The following ATN1 variants were observed in gnomAD, a reference collection of about 807,000 sequenced individuals.
ATN1 encodes the protein atrophin-1.
A neutral mutation model predicts 85.8 loss-of-function variants in ATN1; 19 were observed. That is an observed-to-expected ratio of 0.22 (90% CI 0.15 to 0.32). ATN1 has a LOEUF of 0.32. Ranked by LOEUF, ATN1 falls within the 10% of genes least tolerant of loss-of-function variation. The pLI, the probability that ATN1 is intolerant of heterozygous loss-of-function variation, is 1.00. For missense variants in ATN1, 1,453 were observed against 1,564.5 expected (o/e 0.93, Z 1.20); for synonymous variants, 674 against 657.0 (o/e 1.03, Z -0.39).
Position 6,936,485 on chromosome 12 carries a change from C to T in ATN1, c.1218C>T (p.Pro406=). The change falls in exon 5 of 10, where the codon CCC becomes CCT. Residue 406 remains proline, a synonymous_variant. Transcript: ENST00000396684. ...ASPFPASQAL[P]SYPHSFPPPT... ...CCTTCCCAGCTTCCCAGGCATTGCC[C>T]AGCTACCCCCACTCTTTCCCTCCCC... 1 of 1,601,306 alleles carries T rather than the reference C, an allele frequency of 6.2e-7. No homozygotes were observed. Among genetic ancestry groups the T allele is most frequent in the South Asian group, 1.1e-5 (1 of 90,764 alleles).
In ATN1 at chr12:6,937,690, G is replaced by T; in HGVS notation, c.2294+129G>T. ...TTAGAAAAGCACGCCCCTCTCCTCC[G>T]TCCAGGCCTAGTGGCCAGTGAGGCC... On this transcript the variant is annotated intron_variant, in intron 5 of 9. Transcript: ENST00000396684. The surrounding 1 kb of genome is among the most constrained non-coding windows in gnomAD (Gnocchi z 6.0). 4 of 1,434,746 alleles carry T rather than the reference G, an allele frequency of 2.8e-6. No homozygotes were observed. The highest frequency in any genetic ancestry group is 3.7e-6 in the Non-Finnish European group (4 of 1,094,100). 88.9% of individuals were successfully genotyped at this position (1,434,746 alleles called of 1,614,324 possible).
At position 6,941,638 on chromosome 12, in the gene ATN1, C is replaced by T; in HGVS notation, c.3539+84C>T. 6.3e-7 allele frequency: 1 copy of T among 1,596,672 alleles called. No individual in the cohort carries two copies. Among genetic ancestry groups the T allele is most frequent in the Non-Finnish European group, 8.6e-7 (1 of 1,165,054 alleles). ...GGGCATGGTACGGCTGGGCACCGTG[C>T]TCCTGGGGGAGGGAACCCCTCCTCT... On this transcript the variant is annotated intron_variant, in intron 9 of 9. Coordinates refer to ENST00000396684, the MANE Select transcript of ATN1 (RefSeq NM_001940.4). The surrounding 1 kb of genome is among the most constrained non-coding windows in gnomAD (Gnocchi z 5.9).
Position 6,936,242 on chromosome 12 carries a change from A to G in ATN1, c.975A>G (p.Leu325=), listed in dbSNP as rs782015159. 11 of 1,607,084 alleles carry G rather than the reference A, an allele frequency of 6.8e-6. No individual in the cohort carries two copies. The highest frequency in any genetic ancestry group is 9.4e-6 in the Non-Finnish European group (11 of 1,175,954). The part of the protein sequence containing the change: ...ASPPGLGAQP[L]PGHLPSPHAM... Reference sequence around the variant, plus strand: ...CCCCTGGCCTGGGGGCCCAACCACTACCTGGTCATCTGCCCTCTCCCCACG... The same window carrying G: ...CCCCTGGCCTGGGGGCCCAACCACTGCCTGGTCATCTGCCCTCTCCCCACG... Residue 325 remains leucine, a synonymous_variant, in exon 5 of 10, where the codon CTA becomes CTG. Coordinates refer to ENST00000396684, the MANE Select transcript of ATN1 (RefSeq NM_001940.4).
Position 6,941,346 on chromosome 12 carries a change from A to G in ATN1, c.3359-28A>G, listed in dbSNP as rs782375535. On this transcript the variant is annotated intron_variant, in intron 8 of 9. Transcript: ENST00000396684. This position sits in a 1 kb window ranked among gnomAD's most constrained non-coding sequence, Gnocchi z 5.9. ...AGCAGGTACTTGTTATCCGTTGGTC[A>G]TATGCCCCTTGCCCTTCCTGCTCAC... 7 of 1,569,502 alleles carry G rather than the reference A, an allele frequency of 4.5e-6. No individual in the cohort carries two copies. The South Asian group carries it at 8.2e-5, about 18-fold the overall frequency.
Position 6,936,358 on chromosome 12 carries a change from C to T in ATN1, c.1091C>T (p.Ser364Phe), listed in dbSNP as rs372352874. Residue 364 changes from serine (S) to phenylalanine (F), a missense_variant, in exon 5 of 10, where the codon TCT becomes TTT. This residue lies in a region of ATN1 where 990 missense variants were observed against 914.8 expected (regional missense o/e 1.08). Transcript: ENST00000396684. Reference sequence around the variant, plus strand: ...CCCCACTCTCTGCCTCCTGCTTCCTCTTCTGCTCCAGCGCCCCCCATGAGG... The same window carrying T: ...CCCCACTCTCTGCCTCCTGCTTCCTTTTCTGCTCCAGCGCCCCCCATGAGG... The part of the protein sequence containing the change: ...PSPHSLPPAS[S>F]SAPAPPMRFP... The T allele has an allele frequency of 6.8e-6, 11 of 1,613,840 alleles. No homozygotes were observed. Among genetic ancestry groups the T allele is most frequent in the Non-Finnish European group, 9.3e-6 (11 of 1,179,958 alleles).
In ATN1 at chr12:6,938,912, A is replaced by G; in HGVS notation, c.2949A>G (p.Pro983=). The change falls in exon 7 of 10, where the codon CCA becomes CCG. Residue 983 remains proline, a synonymous_variant. Coordinates refer to ENST00000396684, the MANE Select transcript of ATN1 (RefSeq NM_001940.4). ...RHGGLALQPG[P]PGLHPFPFHP... The stretch of plus-strand genomic sequence containing the variant: ...GGGGCCTGGCTCTGCAGCCTGGCCC[A>G]CCTGGCCTGCACCCTTTCCCCTTTC... 1 of 1,614,000 alleles carries G rather than the reference A, an allele frequency of 6.2e-7. No homozygotes were observed. The highest frequency in any genetic ancestry group is 8.5e-7 in the Non-Finnish European group (1 of 1,179,986).
At chr12:6,932,644 A>G (rs1555143161) in intron 1 of ATN1, among the ~76,000 whole-genome samples, 2 of 152,164 alleles carry the variant, frequency 1.3e-5, no homozygotes, top group African/African-American at 4.8e-5. Flanking sequence ...TAGGCTTAAA[A>G]ACTGGTACAT....
chr12:6,935,868 CCCA>C lies in ATN1; in HGVS notation c.603_605del (p.Thr202del). The C allele has an allele frequency of 6.2e-7, 1 of 1,613,828 alleles. No individual in the cohort carries two copies. Among genetic ancestry groups the C allele is most frequent in the South Asian group, 1.1e-5 (1 of 91,076 alleles). On this transcript the variant is annotated inframe_deletion, in exon 5 of 10. Coordinates refer to ENST00000396684, the MANE Select transcript of ATN1 (RefSeq NM_001940.4). This position sits in a 1 kb window ranked among gnomAD's most constrained non-coding sequence, Gnocchi z 5.3. ...TGGATATCATGCTCCCATGGAGCCC[CCCA>C]CATCTCGAATGTTCCAGGCTCCTCC...
intron 1 of ATN1, among the ~76,000 whole-genome samples, chr12:6,930,670 C>G (rs1371687789): frequency 2.0e-5 from 3 of 152,140 alleles, no homozygotes; most frequent in Non-Finnish European, 2.9e-5. Flanking sequence ...GTGGCGGGCG[C>G]CTGTAGTCCC....
chr12:6,927,732 C>T (rs1431022657), upstream of ATN1, among the ~76,000 whole-genome samples: 3 of 151,940 alleles, frequency 2.0e-5, no homozygotes, highest in African/African-American at 7.2e-5. Context: ...CGTTCCTCCG[C>T]GCTCCCTCCT....
At chr12:6,925,141 TGAGAGAGAGAGA>T (rs112382496), upstream of ATN1, among the ~76,000 whole-genome samples, 10 of 147,658 alleles carry the variant, frequency 6.8e-5, no homozygotes, top group African/African-American at 2.3e-4. Flanking sequence ...TGTGTGTGTG[TGAGAGAGAGAGA>T]GAGAGATGTC....
rs782084172 is a variant in ATN1, at chr12:6,935,841, A to G, written c.574A>G (p.Thr192Ala). Residue 192 changes from threonine (T) to alanine (A), a missense_variant, in exon 5 of 10, where the codon ACT becomes GCT. Around this residue, in one of 6 missense-constraint regions of ATN1, gnomAD observed 990 missense variants for 914.8 expected, o/e 1.08. Transcript: ENST00000396684. The surrounding 1 kb of genome is among the most constrained non-coding windows in gnomAD (Gnocchi z 5.3). ...TGAACCCCATCCTTCTGTGACACCCACTGGATATCATGCTCCCATGGAGCC... is the reference window on the plus strand; with the variant it reads ...TGAACCCCATCCTTCTGTGACACCCGCTGGATATCATGCTCCCATGGAGCC... ...SFEPHPSVTP[T>A]GYHAPMEPPT... 1 of 1,612,968 alleles carries G rather than the reference A, an allele frequency of 6.2e-7. No homozygotes were observed. The highest frequency in any genetic ancestry group is 1.7e-5 in the Admixed American group (1 of 59,920).
chr12:6,936,607 C>T lies in ATN1; in HGVS notation c.1340C>T (p.Pro447Leu). Reference protein sequence around the residue: ...VWSQGPPPPPPYGRLLANSNA... With the variant: ...VWSQGPPPPPLYGRLLANSNA... Reference sequence around the variant, plus strand: ...AGCCAGGGTCCCCCACCACCTCCTCCCTATGGCCGCCTCTTAGCCAACAGC... The same window carrying T: ...AGCCAGGGTCCCCCACCACCTCCTCTCTATGGCCGCCTCTTAGCCAACAGC... Residue 447 changes from proline to leucine, a missense_variant, in exon 5 of 10, where the codon CCC becomes CTC. Physicochemically the swap from Pro to Leu is moderately conservative, Grantham distance 98. This residue lies in a region of ATN1 where 990 missense variants were observed against 914.8 expected (regional missense o/e 1.08). Coordinates refer to ENST00000396684, the MANE Select transcript of ATN1 (RefSeq NM_001940.4). 1 of 1,612,406 alleles carries T rather than the reference C, an allele frequency of 6.2e-7. No homozygotes were observed. Among genetic ancestry groups the T allele is most frequent in the East Asian group, 2.2e-5 (1 of 44,834 alleles).
intron 1 of ATN1, among the ~76,000 whole-genome samples, chr12:6,929,193 G>A (rs1479198690): frequency 6.6e-6 from 1 of 152,136 alleles, no homozygotes; most frequent in Non-Finnish European, 1.5e-5. Flanking sequence ...GAAGAAAGGG[G>A]TTCTGGGAGG....
At chr12:6,932,415 G>A (rs1424619371) in intron 1 of ATN1, among the ~76,000 whole-genome samples, 2 of 152,088 alleles carry the variant, frequency 1.3e-5, no homozygotes, top group African/African-American at 2.4e-5. Context: ...ACACATCAGT[G>A]GAAAGGAAGA....
chr12:6,940,479 G>C lies in ATN1; in HGVS notation c.3215-401G>C, dbSNP rs782224349. On this transcript the variant is annotated intron_variant, in intron 7 of 9. Transcript: ENST00000396684. ...AACAGGGTTTCACCATCTTGGCCAG[G>C]CTGGTCTTGAACTCCTCACCTCAGG... is the stretch of plus-strand genomic sequence containing the variant. Among the ~76,000 whole-genome samples the C allele has an allele frequency of 4.9e-4, 74 of 152,090 alleles. No homozygotes were observed. The South Asian group carries it at 0.015, about 31-fold the overall frequency.
rs373900761 is a variant in ATN1, at chr12:6,935,088, A to G, written c.280-459A>G. 6.6e-6 allele frequency among the ~76,000 whole-genome samples: 1 copy of G among 152,126 alleles called. No homozygotes were observed. The highest frequency in any genetic ancestry group is 1.5e-5 in the Non-Finnish European group (1 of 68,022). ...TTTTTGGTAGAGACAGTGTTTCACC[A>G]TGTTGGCCAGGCTGGTTTGGAACTC... On this transcript the variant is annotated intron_variant, in intron 4 of 9. Coordinates refer to ENST00000396684, the MANE Select transcript of ATN1 (RefSeq NM_001940.4). The surrounding 1 kb of genome is among the most constrained non-coding windows in gnomAD (Gnocchi z 5.3).
rs1205409122 is a variant in ATN1 at position 6,935,568 on chromosome 12, T to C, written c.301T>C (p.Ser101Pro). 6.2e-7 allele frequency: 1 copy of C among 1,612,374 alleles called. No homozygotes were observed. Among genetic ancestry groups the C allele is most frequent in the African/African-American group, 1.3e-5 (1 of 74,790 alleles). The change falls in exon 5 of 10, where the codon TCT becomes CCT. Residue 101 changes from serine to proline, a missense_variant. By Grantham distance (74) the Ser-to-Pro change is moderately conservative. Around this residue, in one of 6 missense-constraint regions of ATN1, gnomAD observed 130 missense variants for 158.2 expected, o/e 0.82. Coordinates refer to ENST00000396684, the MANE Select transcript of ATN1 (RefSeq NM_001940.4). This position sits in a 1 kb window ranked among gnomAD's most constrained non-coding sequence, Gnocchi z 5.3. ...ACAGCAGGAACTCCCTCGGCCACAG[T>C]CTCCCTCCGATCTGGATAGCTTGGA... ...KTEQELPRPQ[S>P]PSDLDSLDGR...
chr12:6,941,656 C>G lies in ATN1; in HGVS notation c.3540-91C>G. The G allele has an allele frequency of 6.3e-7, 1 of 1,586,534 alleles. No individual in the cohort carries two copies. The highest frequency in any genetic ancestry group is 2.2e-5 in the East Asian group (1 of 44,712). Reference sequence around the variant, plus strand: ...CACCGTGCTCCTGGGGGAGGGAACCCCTCCTCTCCCAACCCCTTCGGTAAG... The same window carrying G: ...CACCGTGCTCCTGGGGGAGGGAACCGCTCCTCTCCCAACCCCTTCGGTAAG... On this transcript the variant is annotated intron_variant, in intron 9 of 9. Coordinates refer to ENST00000396684, the MANE Select transcript of ATN1 (RefSeq NM_001940.4). The surrounding 1 kb of genome is among the most constrained non-coding windows in gnomAD (Gnocchi z 5.9).
Sources: allele counts gnomAD v4.1 joint callset (sites outside exome capture counted in the v4.1 genomes callset), GRCh38; gene constraint gnomAD v4.1.1; regional missense constraint gnomAD v4.1.1; non-coding constraint Gnocchi (gnomAD v3.1); transcripts MANE v1.5; gene names NCBI Gene and HGNC (gene_info 2026-07-23, HGNC 2026-07-21).